Variants in SURF2 observed in about 807,000 individuals in gnomAD.
SURF2 encodes the protein surfeit 2, also known as surfeit locus protein 2.
In SURF2, 32 loss-of-function variants were observed where a neutral mutation model predicts 26.2. That is an observed-to-expected ratio of 1.22 (90% confidence interval 0.92 to 1.64). The LOEUF is 1.64. Among genes scored for constraint, SURF2 ranks in the 40% most tolerant of loss-of-function variants. SURF2 has a pLI of 0.00. For synonymous variants in SURF2, 173 were observed against 139.1 expected, an observed-to-expected ratio of 1.24 and a Z score of -1.71; for missense variants, 415 against 341.6, an observed-to-expected ratio of 1.21 and a Z score of -1.69.
intron 2 of SURF2, 106 bp downstream of exon 2, chr9:133,357,174 G>A (rs2130033185): frequency 1.5e-6 from 2 of 1,365,692 alleles, no homozygotes; most frequent in East Asian, 5.8e-5. Context: ...TGGGAGCCCT[G>A]GGACCCAGGT....
In SURF2 at chr9:133,360,499, TAAAA is replaced by T; in HGVS notation, c.687+69_687+72del. The T allele has an allele frequency of 2.7e-6, 4 of 1,457,164 alleles. No individual in the cohort carries two copies. In the Admixed American group the frequency reaches 1.1e-4, roughly 40 times the overall value. The allele number at this position is 1,457,164 out of a possible 1,614,324, so 90.3% of individuals were successfully genotyped here. ...CCCTAGTGATGGTTTTCCATTTGTT[TAAAA>T]AAAGAAAACTGAACCTTTTTCACAA... is the stretch of plus-strand genomic sequence containing the variant. On this transcript the variant is annotated intron_variant, in intron 5 of 5. Transcript: ENST00000371964.
In SURF2 at chr9:133,361,128, C is replaced by T. The variant is rs2130058335; in HGVS notation, c.760C>T (p.Gln254Ter). 24 of 1,614,062 alleles carry T rather than the reference C, an allele frequency of 1.5e-5. No individual in the cohort carries two copies. The highest frequency in any genetic ancestry group is 1.8e-5 in the Non-Finnish European group (21 of 1,180,014). The change falls in exon 6 of 6, where the codon CAG (glutamine) becomes TAG (stop). Residue 254 changes from glutamine to a stop codon, truncating the protein, a stop_gained. Coordinates refer to ENST00000371964, the MANE Select transcript of SURF2 (RefSeq NM_017503.5). LOFTEE classifies it high-confidence loss of function. ...RKPKSFSSCK[Q>*]PG is the part of the protein sequence containing the mutation. ...ACCCAAGAGCTTCAGCTCCTGTAAA[C>T]AGCCAGGTTAATAAAAGCACATGCC...
intron 2 of SURF2, chr9:133,357,300 C>G: frequency 1.9e-6 from 1 of 530,696 alleles, no homozygotes; most frequent in Non-Finnish European, 3.2e-6. Context: ...TGAGTAGAGG[C>G]TTGTGATTTG....
rs2130057828 is a variant in SURF2, at chr9:133,361,105, C to T, written c.737C>T (p.Pro246Leu). 2 of 1,614,160 alleles carry T rather than the reference C, an allele frequency of 1.2e-6. No individual in the cohort carries two copies. The highest frequency in any genetic ancestry group is 1.7e-6 in the Non-Finnish European group (2 of 1,180,010). ...KKKFKSHHRK[P>L]KSFSSCKQPG ...AAGTTCAAGAGTCATCACCGCAAAC[C>T]CAAGAGCTTCAGCTCCTGTAAACAG... The change falls in exon 6 of 6, where the codon CCC becomes CTC. Residue 246 changes from proline to leucine, a missense_variant. By Grantham distance (98) the Pro-to-Leu change is moderately conservative. Coordinates refer to ENST00000371964, the MANE Select transcript of SURF2 (RefSeq NM_017503.5).
rs201213064 is a variant in SURF2, at chr9:133,359,909, G to C, written c.338-41G>C. 2.1e-4 allele frequency: 323 copies of C among 1,566,756 alleles called. 2 individuals carry two copies. In the East Asian group the frequency reaches 6.6e-3, roughly 32 times the overall value. ...TTAGCTGTGGCCCAGAGGACCGTGG[G>C]GGGTGTGGAGGTACCCAGCACGTGC... On this transcript the variant is annotated intron_variant, in intron 3 of 5. Transcript: ENST00000371964.
Position 133,356,570 on chromosome 9 carries a change from G to T in SURF2, c.-23G>T. The T allele has an allele frequency of 6.6e-7, 1 of 1,514,918 alleles. No individual in the cohort carries two copies. The allele number at this position is 1,514,918 out of a possible 1,614,324, so 93.8% of individuals were successfully genotyped here. ...AGGTTCTGCGAGCGGCTTCCGCCGG[G>T]CTGCTCCGCGGGCGCGTCGGCCATG... On this transcript the variant is annotated 5_prime_UTR_variant, in exon 1 of 6. Coordinates refer to ENST00000371964, the MANE Select transcript of SURF2 (RefSeq NM_017503.5).
intron 2 of SURF2, among the ~76,000 whole-genome samples, 175 bp from the exon 3 acceptor site, chr9:133,357,536 G>T (rs2130034737): frequency 2.0e-5 from 3 of 152,176 alleles, no homozygotes; most frequent in Non-Finnish European, 4.4e-5. Flanking sequence ...GGCTGCAGTC[G>T]GCCTGGGTCA....
At chr9:133,357,151 A>T in intron 2 of SURF2, 83 bp downstream of exon 2, 1 of 1,393,670 alleles carries the variant, frequency 7.2e-7, no homozygotes, top group Non-Finnish European at 9.4e-7. Flanking sequence ...TGCAGCCCCT[A>T]CTCTTTCAGA....
In SURF2 at chr9:133,356,957, C is replaced by T. The variant is rs1281945728; in HGVS notation, c.122C>T (p.Pro41Leu). The T allele has an allele frequency of 1.9e-6, 3 of 1,568,456 alleles. No homozygotes were observed. Among genetic ancestry groups the T allele is most frequent in the Non-Finnish European group, 1.7e-6 (2 of 1,157,146 alleles). The change falls in exon 2 of 6, where the codon CCG becomes CTG. Residue 41 changes from proline (P) to leucine (L), a missense_variant. Pro to Leu is a moderately conservative substitution (Grantham distance 98). Transcript: ENST00000371964. ...GGTCACGAGCTGCCCTGCCGCCTGC[C>T]GGAGCTCCAGGTCTACACCCGCGGC... ...LTGHELPCRLPELQVYTRGKK... is the reference protein window; with the variant it reads ...LTGHELPCRLLELQVYTRGKK...
At chr9:133,359,875 CCT>C (rs1836708071) in intron 3 of SURF2, 73 bp from the exon 4 acceptor site, 1 of 1,497,582 alleles carries the variant, frequency 6.7e-7, no homozygotes, top group Admixed American at 2.2e-5. Flanking sequence ...CGAGTGCAGT[CCT>C]CATAAGTTAG....
chr9:133,357,116 C>T (rs2130032962), intron 2 of SURF2, 48 bp downstream of exon 2: 66 of 1,476,374 alleles, frequency 4.5e-5, no homozygotes, highest in Non-Finnish European at 5.5e-5. Context: ...ATTAGGACAG[C>T]CCCTCCGCTG....
intron 3 of SURF2, among the ~76,000 whole-genome samples, chr9:133,358,425 C>G (rs1220142210): frequency 1.3e-5 from 2 of 152,118 alleles, no homozygotes; most frequent in Non-Finnish European, 2.9e-5. Flanking sequence ...GGGGAGAATT[C>G]AGAGTCCCTT....
intron 5 of SURF2, among the ~76,000 whole-genome samples, 191 bp downstream of exon 5, chr9:133,360,625 C>T (rs1300729628): frequency 6.6e-6 from 1 of 152,236 alleles, no homozygotes; most frequent in African/African-American, 2.4e-5. Context: ...CCAGCCAGCC[C>T]CTTGTGGAAG....
In SURF2 at chr9:133,360,061, T is replaced by A; in HGVS notation, c.449T>A (p.Phe150Tyr). The A allele has an allele frequency of 1.2e-6, 2 of 1,613,926 alleles. No individual in the cohort carries two copies. Among genetic ancestry groups the A allele is most frequent in the South Asian group, 2.2e-5 (2 of 91,066 alleles). The change falls in exon 4 of 6, where the codon TTC becomes TAC. Residue 150 changes from phenylalanine to tyrosine, a missense_variant. Coordinates refer to ENST00000371964, the MANE Select transcript of SURF2 (RefSeq NM_017503.5). ...GACGGGCCTCGCCCGCGGGAAGCCT[T>A]CTGGGAGCCCACATCCAGTGATGAG... Reference protein sequence around the residue: ...DGDGPRPREAFWEPTSSDEGG... With the variant: ...DGDGPRPREAYWEPTSSDEGG...
At chr9:133,357,269 G>A in intron 2 of SURF2, 2 of 596,122 alleles carry the variant, frequency 3.4e-6, no homozygotes, top group Non-Finnish European at 5.5e-6. Flanking sequence ...TTTGTCCTGT[G>A]GGGTGTGGCT....
chr9:133,357,824 A>C lies in SURF2; in HGVS notation c.337+10A>C. 6.2e-7 allele frequency: 1 copy of C among 1,612,700 alleles called. No individual in the cohort carries two copies. The highest frequency in any genetic ancestry group is 8.5e-7 in the Non-Finnish European group (1 of 1,179,672). ...CGAGCTCTGTGTAAATGTAAGTCCC[A>C]GTGGACCCCCATCAGTGCATCGCCA... On this transcript the variant is annotated intron_variant, in intron 3 of 5. Transcript: ENST00000371964.
At chr9:133,357,958 G>T (rs587668662) in intron 3 of SURF2, 144 bp downstream of exon 3, 1 of 757,606 alleles carries the variant, frequency 1.3e-6, no homozygotes, top group Non-Finnish European at 2.2e-6. Flanking sequence ...GTGAAGAGAG[G>T]GATGATGGCC....
chr9:133,360,049 C>T lies in SURF2; in HGVS notation c.437C>T (p.Pro146Leu), dbSNP rs2130046906. The T allele has an allele frequency of 9.3e-6, 15 of 1,613,894 alleles. No homozygotes were observed. The African/African-American group carries it at 9.3e-5, about 10-fold the overall frequency. The change falls in exon 4 of 6, where the codon CCG becomes CTG. Residue 146 changes from proline to leucine, a missense_variant. Pro to Leu is a moderately conservative substitution (Grantham distance 98). Coordinates refer to ENST00000371964, the MANE Select transcript of SURF2 (RefSeq NM_017503.5). ...CAGATGGACGGTGACGGGCCTCGCC[C>T]GCGGGAAGCCTTCTGGGAGCCCACA... is the stretch of plus-strand genomic sequence containing the variant. ...EDQMDGDGPR[P>L]REAFWEPTSS...
In SURF2 at chr9:133,356,895, C is replaced by G; in HGVS notation, c.79-19C>G. ...GAGCCCTGGCCCTCCTGACGTCCTGCCCGCCCACGCGTCCGCAGGTGAGGT... is the reference window on the plus strand; with the variant it reads ...GAGCCCTGGCCCTCCTGACGTCCTGGCCGCCCACGCGTCCGCAGGTGAGGT... On this transcript the variant is annotated intron_variant, in intron 1 of 5. Transcript: ENST00000371964. The G allele has an allele frequency of 6.5e-7, 1 of 1,537,092 alleles. No homozygotes were observed. The highest frequency in any genetic ancestry group is 2.5e-5 in the East Asian group (1 of 40,788).
Sources: gnomAD v4.1 joint callset for allele counts (sites outside exome capture counted in the v4.1 genomes callset) on GRCh38, gnomAD v4.1.1 for gene constraint, MANE v1.5 for transcripts, NCBI Gene and HGNC (gene_info 2026-07-23, HGNC 2026-07-21) for gene names.